Variants in COLEC12 observed in about 807,000 individuals in gnomAD.
COLEC12 encodes collectin subfamily member 12.
Under a neutral mutation model 71.1 loss-of-function variants are expected in COLEC12, and 33 were observed. That is an observed-to-expected ratio of 0.46 (90% confidence interval 0.35 to 0.62). The LOEUF is 0.62. Ranked by LOEUF, COLEC12 falls within the 20% of genes least tolerant of loss-of-function variation. The pLI is 0.00. For synonymous variants in COLEC12, 350 were observed against 353.0 expected, an observed-to-expected ratio of 0.99 and a Z score of 0.10; for missense variants, 765 against 916.1, an observed-to-expected ratio of 0.84 and a Z score of 2.13.
chr18:328,924 C>T (rs781274431), intron 8 of COLEC12, among the ~76,000 whole-genome samples: 20 of 152,202 alleles, frequency 1.3e-4, no homozygotes, highest in Middle Eastern at 3.2e-3. Flanking sequence ...CCTCATAACA[C>T]GCCTGTCTAA....
intron 9 of COLEC12, among the ~76,000 whole-genome samples, chr18:320,921 A>G (rs894397928): frequency 1.3e-5 from 2 of 152,190 alleles, no homozygotes; most frequent in African/African-American, 2.4e-5. Flanking sequence ...AGCAGCACAG[A>G]CCATCTCCCT....
At chr18:434,826 C>T (rs1389184843) in intron 2 of COLEC12, among the ~76,000 whole-genome samples, 2 of 152,088 alleles carry the variant, frequency 1.3e-5, no homozygotes, top group Non-Finnish European at 2.9e-5. Context: ...ATTCCCAATG[C>T]ACCCCTCTGA....
At chr18:367,283 G>A (rs551045826) in intron 2 of COLEC12, among the ~76,000 whole-genome samples, 5 of 152,184 alleles carry the variant, frequency 3.3e-5, no homozygotes, top group Non-Finnish European at 5.9e-5. Context: ...ACACAGTGTC[G>A]GGGCATGTGA....
At chr18:368,793 G>A (rs1458406536) in intron 2 of COLEC12, among the ~76,000 whole-genome samples, 1 of 152,216 alleles carries the variant, frequency 6.6e-6, no homozygotes, top group Non-Finnish European at 1.5e-5. Context: ...GTGAACCCGG[G>A]AGGCGGAGCT....
intron 2 of COLEC12, among the ~76,000 whole-genome samples, chr18:409,903 C>T (rs1252136364): frequency 3.9e-5 from 6 of 152,244 alleles, no homozygotes; most frequent in Admixed American, 6.5e-5. Context: ...GTCCTCATTG[C>T]GCTAATGGGC....
rs1032868194 is a variant in COLEC12, at chr18:500,063, G to A, written c.7+445C>T. ...CCAGTCCCGGAGAAAACACCCGGCC[G>A]CCAGCGCGGGGACCGCTCGGGCCGG... On this transcript the variant is annotated intron_variant, in intron 1 of 9. Transcript: ENST00000400256. This position sits in a 1 kb window ranked among gnomAD's most constrained non-coding sequence, Gnocchi z 5.3. Among the ~76,000 whole-genome samples, 1 of 152,222 alleles carries A rather than the reference G, an allele frequency of 6.6e-6. No individual in the cohort carries two copies. The highest frequency in any genetic ancestry group is 1.5e-5 in the Non-Finnish European group (1 of 68,044).
chr18:474,654 C>T lies in COLEC12; in HGVS notation c.58+6053G>A, dbSNP rs1215139609. ...TCTCGGCGTTTAGGAGCTCCACCTGCCTGCCTGGAAGCAGAGGATACAGGG... is the reference window on the plus strand; with the variant it reads ...TCTCGGCGTTTAGGAGCTCCACCTGTCTGCCTGGAAGCAGAGGATACAGGG... On this transcript the variant is annotated intron_variant, in intron 2 of 9. Transcript: ENST00000400256. Among the ~76,000 whole-genome samples the T allele has an allele frequency of 2.0e-5, 3 of 152,206 alleles. No individual in the cohort carries two copies. In the East Asian group the frequency reaches 5.8e-4, roughly 29 times the overall value.
At chr18:406,658 T>G (rs905579171) in intron 2 of COLEC12, among the ~76,000 whole-genome samples, 2 of 152,230 alleles carry the variant, frequency 1.3e-5, no homozygotes, top group Non-Finnish European at 2.9e-5. Flanking sequence ...AATTCTTTCT[T>G]GTGTGAGATC....
intron 2 of COLEC12, among the ~76,000 whole-genome samples, chr18:441,214 C>G (rs976962792): frequency 1.8e-4 from 27 of 150,616 alleles, no homozygotes; most frequent in African/African-American, 4.9e-4. Context: ...TGCCACTGCA[C>G]TCCAGCCTGG....
chr18:485,226 A>G (rs1369467168), intron 1 of COLEC12, among the ~76,000 whole-genome samples: 3 of 152,236 alleles, frequency 2.0e-5, no homozygotes, highest in Admixed American at 2.0e-4. Flanking sequence ...TGATGTACTC[A>G]GATAAGGAGA....
At chr18:445,806 AT>A (rs1174078884) in intron 2 of COLEC12, among the ~76,000 whole-genome samples, 1 of 151,818 alleles carries the variant, frequency 6.6e-6, no homozygotes, top group East Asian at 1.9e-4. Context: ...CTAATTTTTT[AT>A]TTTTTGTAGA....
intron 2 of COLEC12, among the ~76,000 whole-genome samples, chr18:380,399 T>G (rs1309011796): frequency 1.3e-5 from 2 of 152,178 alleles, no homozygotes; most frequent in Non-Finnish European, 2.9e-5. Context: ...GTGTGAGTTC[T>G]CAGGGGTTCC....
chr18:377,627 T>C (rs1915142346), intron 2 of COLEC12, among the ~76,000 whole-genome samples: 1 of 152,248 alleles, frequency 6.6e-6, no homozygotes, highest in South Asian at 2.1e-4. Context: ...AGAAGTGCGC[T>C]GGGCTGGGTT....
chr18:355,059 C>G (rs139709916), intron 3 of COLEC12, among the ~76,000 whole-genome samples: 27 of 151,372 alleles, frequency 1.8e-4, no homozygotes, highest in East Asian at 4.0e-4. Context: ...ATCCATCCAT[C>G]CATCCATCCA....
intron 2 of COLEC12, among the ~76,000 whole-genome samples, chr18:429,074 AG>A (rs1443079054): frequency 6.6e-6 from 1 of 152,222 alleles, no homozygotes; most frequent in Non-Finnish European, 1.5e-5. Flanking sequence ...AAAAAGCAGT[AG>A]GGAGTGATTT....
intron 2 of COLEC12, among the ~76,000 whole-genome samples, chr18:419,287 C>T (rs1916050405): frequency 1.3e-5 from 2 of 152,078 alleles, no homozygotes; most frequent in South Asian, 4.1e-4. Context: ...CTCACTGCAA[C>T]CTATGCCTCC....
chr18:346,593 A>G lies in COLEC12; in HGVS notation c.1029T>C (p.Ile343=). ...EERFQLFETD[I]VNIISNISYT... is the part of the protein sequence containing the mutation. Reference sequence around the variant, plus strand: ...AACTGATATTGCTAATGATGTTCACAATATCCGTCTCAAAGAGCTGGAAGC... The same window carrying G: ...AACTGATATTGCTAATGATGTTCACGATATCCGTCTCAAAGAGCTGGAAGC... Residue 343 remains isoleucine, a synonymous_variant, in exon 5 of 10, where the codon ATT becomes ATC. Coordinates refer to ENST00000400256, the MANE Select transcript of COLEC12 (RefSeq NM_130386.3). The surrounding 1 kb of genome is among the most constrained non-coding windows in gnomAD (Gnocchi z 4.0). The G allele has an allele frequency of 3.1e-6, 5 of 1,614,240 alleles. No individual in the cohort carries two copies. The South Asian group carries it at 4.4e-5, about 14-fold the overall frequency.
chr18:487,424 CA>C (rs1215907764), intron 1 of COLEC12, among the ~76,000 whole-genome samples: 1 of 151,856 alleles, frequency 6.6e-6, no homozygotes, highest in Non-Finnish European at 1.5e-5. Flanking sequence ...GTGAATATAA[CA>C]AAAAAACATT....
At chr18:432,522 C>T (rs1404831856) in intron 2 of COLEC12, among the ~76,000 whole-genome samples, 1 of 152,154 alleles carries the variant, frequency 6.6e-6, no homozygotes, top group Non-Finnish European at 1.5e-5. Context: ...TTCATTCCAA[C>T]CTAATTGATA....
Sources: allele counts gnomAD v4.1 joint callset (sites outside exome capture counted in the v4.1 genomes callset), GRCh38; gene constraint gnomAD v4.1.1; non-coding constraint Gnocchi (gnomAD v3.1); transcripts MANE v1.5; gene names NCBI Gene and HGNC (gene_info 2026-07-23, HGNC 2026-07-21).